ROBO1: variants seen among roughly 807,000 people sequenced by gnomAD.
The protein encoded by ROBO1 is roundabout homolog 1.
A neutral mutation model predicts 195.9 loss-of-function variants in ROBO1; 149 were observed. That is an observed-to-expected ratio of 0.76 (90% CI 0.67 to 0.87). The LOEUF is 0.87. Among genes scored for constraint, ROBO1 ranks in the 40% least tolerant of loss-of-function variants. ROBO1 has a pLI of 0.00. For synonymous variants in ROBO1, 816 were observed against 733.2 expected (o/e 1.11, Z -1.82); for missense variants, 1,933 against 2,068.3 (o/e 0.93, Z 1.27).
chr3:79,514,133 G>A (rs1940842139), intron 2 of ROBO1, among the ~76,000 whole-genome samples: 1 of 152,180 alleles, frequency 6.6e-6, no homozygotes, highest in Non-Finnish European at 1.5e-5. Context: ...CACAGAGAAA[G>A]AATAGCTTTC....
chr3:79,103,067 A>T (rs938877229), intron 3 of ROBO1, among the ~76,000 whole-genome samples: 6 of 151,968 alleles, frequency 3.9e-5, no homozygotes, highest in South Asian at 2.1e-4. Flanking sequence ...CAATCACATT[A>T]TTTGATATGT....
intron 2 of ROBO1, among the ~76,000 whole-genome samples, chr3:79,452,328 A>T (rs184240394): frequency 6.6e-6 from 1 of 151,990 alleles, no homozygotes; most frequent in African/African-American, 2.4e-5. Flanking sequence ...CACCACTCAT[A>T]TCCACTTTCA....
chr3:78,599,377 C>A (rs1338105863), intron 30 of ROBO1, among the ~76,000 whole-genome samples: 1 of 152,128 alleles, frequency 6.6e-6, no homozygotes, highest in African/African-American at 2.4e-5. Flanking sequence ...TCATTCTAAA[C>A]CTCAAAATCG....
intron 2 of ROBO1, among the ~76,000 whole-genome samples, chr3:79,529,432 G>A (rs1338203813): frequency 6.6e-6 from 1 of 152,136 alleles, no homozygotes; most frequent in South Asian, 2.1e-4. Flanking sequence ...TGTCTGGATC[G>A]TGCCACTGCA....
rs190317093 is a variant in ROBO1 at position 79,618,496 on chromosome 3, G to A, written c.-50-28535C>T. ...ACATTACTTCTCCTGGACAATGAGT[G>A]TCAGAAGCTCCCCACTGAGCACCTT... On this transcript the variant is annotated intron_variant, in intron 1 of 30. Transcript: ENST00000464233. Among the ~76,000 whole-genome samples, 114 of 152,174 alleles carry A rather than the reference G, an allele frequency of 7.5e-4. No individual in the cohort carries two copies. The East Asian group carries it at 0.012, about 16-fold the overall frequency.
chr3:79,585,803 C>A (rs1429223702), intron 2 of ROBO1, among the ~76,000 whole-genome samples: 3 of 151,940 alleles, frequency 2.0e-5, no homozygotes, highest in Non-Finnish European at 4.4e-5. Flanking sequence ...TAAGAAGCAT[C>A]TCAGGTGCTT....
At chr3:79,611,829 T>C (rs1944667352) in intron 1 of ROBO1, among the ~76,000 whole-genome samples, 1 of 151,970 alleles carries the variant, frequency 6.6e-6, no homozygotes, top group Non-Finnish European at 1.5e-5. Context: ...ATGGCACGTG[T>C]ATACCTATGG....
In ROBO1 at chr3:79,004,610, T is replaced by C. The variant is rs1009359952; in HGVS notation, c.173-65683A>G. ...TTTACCGGAAGATGAGACACCTGTA[T>C]TGATTCATTAGGACAAACAGGAATT... On this transcript the variant is annotated intron_variant, in intron 3 of 30. Coordinates refer to ENST00000464233, the MANE Select transcript of ROBO1 (RefSeq NM_002941.4). Among the ~76,000 whole-genome samples, 4 of 152,252 alleles carry C rather than the reference T, an allele frequency of 2.6e-5. No homozygotes were observed. The South Asian group carries it at 8.3e-4, about 32-fold the overall frequency.
intron 2 of ROBO1, among the ~76,000 whole-genome samples, chr3:79,563,731 T>C (rs1329285850): frequency 1.3e-5 from 2 of 152,068 alleles, no homozygotes; most frequent in Non-Finnish European, 2.9e-5. Context: ...GAGAGCTAAA[T>C]TTAGACAATT....
At chr3:78,973,787 G>C (rs778236915) in intron 3 of ROBO1, among the ~76,000 whole-genome samples, 1 of 151,452 alleles carries the variant, frequency 6.6e-6, no homozygotes. Context: ...CATAAATATC[G>C]CATATTTATC....
In ROBO1 at chr3:78,639,728, T is replaced by C. The variant is rs760500811; in HGVS notation, c.3037+16A>G. ...TAAAAAGCTTATACATATCAGGCTC[T>C]CTCTGTGTCCCTAACCTGGGCGACT... On this transcript the variant is annotated intron_variant, in intron 22 of 30. Transcript: ENST00000464233. The C allele has an allele frequency of 6.2e-7, 1 of 1,606,676 alleles. No individual in the cohort carries two copies. Among genetic ancestry groups the C allele is most frequent in the Non-Finnish European group, 8.5e-7 (1 of 1,175,276 alleles).
chr3:79,444,730 A>G (rs540638298), intron 2 of ROBO1, among the ~76,000 whole-genome samples: 3 of 152,224 alleles, frequency 2.0e-5, no homozygotes, highest in Non-Finnish European at 4.4e-5. Context: ...GAATAGTAAG[A>G]TGGACACATA....
intron 1 of ROBO1, among the ~76,000 whole-genome samples, chr3:79,721,687 G>C (rs888031923): frequency 2.0e-5 from 3 of 152,192 alleles, no homozygotes; most frequent in Non-Finnish European, 4.4e-5. Flanking sequence ...AGGATGAGAA[G>C]TAGGGTTCAC....
chr3:79,240,444 A>G (rs1205046671), intron 2 of ROBO1, among the ~76,000 whole-genome samples: 3 of 152,326 alleles, frequency 2.0e-5, no homozygotes, highest in East Asian at 3.9e-4. Flanking sequence ...GTGTTAAAAC[A>G]TTTAAGTCTG....
chr3:78,839,763 A>G (rs1296492388), intron 4 of ROBO1, among the ~76,000 whole-genome samples: 4 of 152,142 alleles, frequency 2.6e-5, no homozygotes, highest in Non-Finnish European at 5.9e-5. Context: ...GAACCACTTC[A>G]GTTTCTCTCC....
intron 1 of ROBO1, among the ~76,000 whole-genome samples, chr3:79,640,328 C>CTCTCTCTTGCCTGCCACCAT (rs71130605): frequency 0.57 from 86,747 of 150,940 alleles, 25,231 homozygotes; most frequent in South Asian, 0.66. Context: ...AAATTTTCCT[C>CTCTCTCTTGCCTGCCACCAT]TCTCTCTTGC....
intron 1 of ROBO1, among the ~76,000 whole-genome samples, chr3:79,686,778 A>C (rs1947127989): frequency 2.0e-5 from 3 of 152,208 alleles, no homozygotes; most frequent in Admixed American, 1.3e-4. Context: ...ATATCATGAA[A>C]ATAGCCATAC....
At chr3:79,760,039 C>A (rs995142572) in intron 1 of ROBO1, among the ~76,000 whole-genome samples, 1 of 151,560 alleles carries the variant, frequency 6.6e-6, no homozygotes, top group Non-Finnish European at 1.5e-5. Context: ...GAGTTTGAGT[C>A]CAGCCTGGCC....
chr3:78,840,718 G>A (rs2033127939), intron 4 of ROBO1, among the ~76,000 whole-genome samples: 1 of 152,112 alleles, frequency 6.6e-6, no homozygotes, highest in Admixed American at 6.5e-5. Context: ...TTATGCTGTT[G>A]CAAACAGAAC....
Sources: allele counts gnomAD v4.1 joint callset (sites outside exome capture counted in the v4.1 genomes callset), GRCh38; gene constraint gnomAD v4.1.1; transcripts MANE v1.5; gene names NCBI Gene and HGNC (gene_info 2026-07-23, HGNC 2026-07-21).